CNGB3: variants seen among roughly 807,000 people sequenced by gnomAD.
CNGB3 encodes the protein cyclic nucleotide-gated channel beta-3.
In CNGB3, 86 loss-of-function variants were observed where a neutral mutation model predicts 92.8. That is an observed-to-expected ratio of 0.93 (90% CI 0.78 to 1.11). The LOEUF is 1.11. Among genes scored for constraint, CNGB3 ranks in the 50% least tolerant of loss-of-function variants. The pLI, the probability that CNGB3 is intolerant of heterozygous loss-of-function variation, is 0.00. For missense variants in CNGB3, 1,026 were observed against 956.8 expected, an observed-to-expected ratio of 1.07 and a Z score of -0.95; for synonymous variants, 333 against 332.7, an observed-to-expected ratio of 1.00 and a Z score of -0.01.
chr8:86,717,462 C>G (rs1824876876), intron 3 of CNGB3, among the ~76,000 whole-genome samples: 1 of 150,850 alleles, frequency 6.6e-6, no homozygotes, highest in African/African-American at 2.4e-5. Flanking sequence ...ACTGGGGAGA[C>G]TGAGGCTGGA....
At position 86,647,817 on chromosome 8, in the gene CNGB3, G is replaced by A. The variant is rs1823317787; in HGVS notation, c.974C>T (p.Ala325Val). Residue 325 changes from alanine (A) to valine (V), a missense_variant, in exon 8 of 18, where the codon GCA (alanine) becomes GTA (valine). Physicochemically the swap from Ala to Val is moderately conservative, Grantham distance 64 (BLOSUM62 0). Coordinates refer to ENST00000320005, the MANE Select transcript of CNGB3 (RefSeq NM_019098.5). ...TTATCTTACCTTTAACATCCTATTT[G>A]CTCTAAACATTGGATTAAACCCAAA... ...LFFGFNPMFR[A>V]NRMLKYTSFF... 1.3e-6 allele frequency: 2 copies of A among 1,539,002 alleles called. No individual in the cohort carries two copies. The highest frequency in any genetic ancestry group is 1.4e-5 in the African/African-American group (1 of 73,170).
intron 7 of CNGB3, among the ~76,000 whole-genome samples, chr8:86,648,391 C>T (rs79003455): frequency 2.6e-5 from 4 of 151,114 alleles, no homozygotes; most frequent in Admixed American, 2.6e-4. Flanking sequence ...TACTTCGAAC[C>T]ATTTTGCTAC....
chr8:86,733,697 CT>C (rs1231569042), intron 2 of CNGB3, among the ~76,000 whole-genome samples: 2 of 152,160 alleles, frequency 1.3e-5, no homozygotes, highest in East Asian at 3.9e-4. Context: ...ACGGTAAAGT[CT>C]TTACTGCTTT....
chr8:86,592,394 A>G (rs755188120), intron 15 of CNGB3, among the ~76,000 whole-genome samples: 7 of 152,210 alleles, frequency 4.6e-5, no homozygotes, highest in Admixed American at 6.5e-5. Flanking sequence ...AGTGCTTACT[A>G]TGAGCGAGAT....
intron 2 of CNGB3, among the ~76,000 whole-genome samples, 176 bp from the exon 3 acceptor site, chr8:86,726,833 A>G (rs1825068722): frequency 1.3e-5 from 2 of 152,210 alleles, no homozygotes; most frequent in Admixed American, 1.3e-4. Context: ...ATTAACTGGT[A>G]GACACCTTCA....
intron 6 of CNGB3, among the ~76,000 whole-genome samples, chr8:86,663,930 A>G (rs890481467): frequency 3.3e-5 from 5 of 152,222 alleles, no homozygotes; most frequent in Admixed American, 6.5e-5. Flanking sequence ...CTCTTAGAAA[A>G]TTGAAAATAA....
chr8:86,601,379 G>C (rs1049421315), intron 15 of CNGB3, among the ~76,000 whole-genome samples: 4 of 152,236 alleles, frequency 2.6e-5, no homozygotes, highest in Middle Eastern at 3.4e-3. Flanking sequence ...TTTAGAAATG[G>C]GGTATCTGCA....
At chr8:86,657,213 C>T (rs76530174) in intron 6 of CNGB3, among the ~76,000 whole-genome samples, 24,327 of 152,150 alleles carry the variant, frequency 0.16, 2,041 homozygotes, top group Admixed American at 0.25. Context: ...GGACTCAGCC[C>T]TGGCCAAGGT....
rs756553232 is a variant in CNGB3 at position 86,575,946 on chromosome 8, A to G, written c.2288T>C (p.Val763Ala). 8 of 1,613,952 alleles carry G rather than the reference A, an allele frequency of 5.0e-6. No individual in the cohort carries two copies. The East Asian group carries it at 1.1e-4, about 22-fold the overall frequency. Residue 763 changes from valine to alanine, a missense_variant, in exon 18 of 18, where the codon GTG becomes GCG. Coordinates refer to ENST00000320005, the MANE Select transcript of CNGB3 (RefSeq NM_019098.5). ...RPECTASPIA[V>A]EEEPHSVRRT... The stretch of plus-strand genomic sequence containing the variant: ...TCTAACTGAGTGGGGTTCTTCCTCC[A>G]CTGCAATAGGACTTGCTGTACATTC...
chr8:86,636,982 A>G (rs572540411), intron 10 of CNGB3, among the ~76,000 whole-genome samples: 1 of 152,304 alleles, frequency 6.6e-6, no homozygotes, highest in African/African-American at 2.4e-5. Context: ...CATATTTGCC[A>G]TATTATCTTT....
intron 3 of CNGB3, among the ~76,000 whole-genome samples, chr8:86,706,229 T>C (rs907537484): frequency 5.3e-5 from 8 of 151,892 alleles, no homozygotes; most frequent in Non-Finnish European, 1.0e-4. Flanking sequence ...TGAGTAAAGA[T>C]TGCTGTACCT....
intron 3 of CNGB3, among the ~76,000 whole-genome samples, chr8:86,720,238 A>C (rs181576845): frequency 6.6e-6 from 1 of 152,346 alleles, no homozygotes; most frequent in East Asian, 1.9e-4. Flanking sequence ...AAATCTTCAC[A>C]ATCTATATAT....
chr8:86,601,558 G>C (rs1822301696), intron 15 of CNGB3, among the ~76,000 whole-genome samples: 1 of 151,808 alleles, frequency 6.6e-6, no homozygotes, highest in African/African-American at 2.4e-5. Flanking sequence ...TCTTTTAAAG[G>C]CTACATGATA....
At chr8:86,712,359 T>C (rs1032577854) in intron 3 of CNGB3, among the ~76,000 whole-genome samples, 1 of 152,146 alleles carries the variant, frequency 6.6e-6, no homozygotes, top group Non-Finnish European at 1.5e-5. Context: ...TTTTAGGACA[T>C]AATGTACATT....
chr8:86,702,306 T>C (rs2131647809), intron 3 of CNGB3, among the ~76,000 whole-genome samples: 1 of 152,292 alleles, frequency 6.6e-6, no homozygotes, highest in South Asian at 2.1e-4. Context: ...AGTGGGACAA[T>C]TCTCCTTAAG....
At chr8:86,605,988 A>C (rs1179377763) in intron 14 of CNGB3, among the ~76,000 whole-genome samples, 5 of 152,218 alleles carry the variant, frequency 3.3e-5, no homozygotes, top group African/African-American at 1.2e-4. Flanking sequence ...ATTAAAACAA[A>C]GGCACAGATT....
chr8:86,686,596 T>C (rs1824192694), intron 3 of CNGB3, among the ~76,000 whole-genome samples: 1 of 152,038 alleles, frequency 6.6e-6, no homozygotes, highest in Non-Finnish European at 1.5e-5. Flanking sequence ...AGAATCCTTT[T>C]GGAAACTGAA....
intron 14 of CNGB3, among the ~76,000 whole-genome samples, chr8:86,607,014 G>A (rs986192922): frequency 7.9e-5 from 12 of 152,180 alleles, no homozygotes; most frequent in Non-Finnish European, 1.8e-4. Context: ...GATGAGGACA[G>A]GGTCATATTC....
At chr8:86,670,860 G>T in intron 4 of CNGB3, 84 bp downstream of exon 4, 1 of 1,408,572 alleles carries the variant, frequency 7.1e-7, no homozygotes, top group Non-Finnish European at 1.0e-6. Context: ...GTCTGCTTTT[G>T]GGAGATCCAA....
Sources: gnomAD v4.1 joint callset for allele counts (sites outside exome capture counted in the v4.1 genomes callset) on GRCh38, gnomAD v4.1.1 for gene constraint, MANE v1.5 for transcripts, NCBI Gene and HGNC (gene_info 2026-07-23, HGNC 2026-07-21) for gene names.